NRG1: variants seen among roughly 807,000 people sequenced by gnomAD.
NRG1 encodes the protein neuregulin 1, also known as pro-neuregulin-1, membrane-bound isoform.
A neutral mutation model predicts 63.8 loss-of-function variants in NRG1; 18 were observed. The ratio of observed to expected loss-of-function variants is 0.28; its 90% CI spans 0.19 to 0.42. NRG1 has a LOEUF of 0.42. NRG1 is among the 10% of genes least tolerant of loss of function. The pLI is 1.00. For missense variants in NRG1, 762 were observed against 814.7 expected (o/e 0.94, Z 0.79); for synonymous variants, 302 against 301.3 (o/e 1.00, Z -0.02).
At chr8:32,059,880 T>C (rs1823562293) in intron 1 of NRG1, among the ~76,000 whole-genome samples, 1 of 151,956 alleles carries the variant, frequency 6.6e-6, no homozygotes, top group Non-Finnish European at 1.5e-5. Context: ...CTCTGACTTT[T>C]AATATCTGGA....
chr8:32,622,444 C>T (rs184723176), intron 5 of NRG1, among the ~76,000 whole-genome samples: 8 of 152,088 alleles, frequency 5.3e-5, no homozygotes, highest in South Asian at 2.1e-4. Context: ...TCTCTGTCAC[C>T]CAGGCTGGAG....
At chr8:32,355,371 C>T (rs940806044) in intron 1 of NRG1, among the ~76,000 whole-genome samples, 3 of 151,854 alleles carry the variant, frequency 2.0e-5, no homozygotes, top group African/African-American at 7.3e-5. Context: ...AGGTGGGAGA[C>T]TCCCTTGAAC....
At chr8:32,638,137 A>G in intron 5 of NRG1, among the ~76,000 whole-genome samples, 1 of 152,204 alleles carries the variant, frequency 6.6e-6, no homozygotes. Flanking sequence ...TTTGAAATTA[A>G]TTTCTGTGTG....
chr8:31,785,611 T>C (rs1247083202), intron 1 of NRG1, among the ~76,000 whole-genome samples: 1 of 152,220 alleles, frequency 6.6e-6, no homozygotes, highest in Non-Finnish European at 1.5e-5. Flanking sequence ...TGTTTTGTAC[T>C]TTTCAAATTT....
intron 1 of NRG1, among the ~76,000 whole-genome samples, chr8:31,836,950 C>G (rs904952770): frequency 6.6e-6 from 1 of 152,028 alleles, no homozygotes; most frequent in African/African-American, 2.4e-5. Context: ...CCAAACTGAT[C>G]AATTCATACC....
intron 1 of NRG1, among the ~76,000 whole-genome samples, chr8:31,989,892 A>T (rs534926498): frequency 5.3e-5 from 8 of 152,230 alleles, no homozygotes; most frequent in Admixed American, 4.6e-4. Context: ...CTTTGTGCTT[A>T]TGTGAATTCT....
chr8:32,054,622 A>G (rs570669452), intron 1 of NRG1, among the ~76,000 whole-genome samples: 1 of 152,268 alleles, frequency 6.6e-6, no homozygotes, highest in South Asian at 2.1e-4. Flanking sequence ...TGTTTGATTT[A>G]TCTGCTGTTA....
chr8:31,904,998 A>G (rs979515651), intron 1 of NRG1, among the ~76,000 whole-genome samples: 3 of 151,358 alleles, frequency 2.0e-5, no homozygotes, highest in African/African-American at 7.3e-5. Context: ...AAACCTGCAC[A>G]TGTATCCCTG....
At chr8:31,644,323 G>A (rs1386834110) in intron 1 of NRG1, among the ~76,000 whole-genome samples, 1 of 152,132 alleles carries the variant, frequency 6.6e-6, no homozygotes, top group Non-Finnish European at 1.5e-5. Flanking sequence ...CTACTGAGTA[G>A]AGAAACTATG....
intron 1 of NRG1, among the ~76,000 whole-genome samples, chr8:32,554,977 A>G (rs1446676219): frequency 6.6e-6 from 1 of 151,896 alleles, no homozygotes. Flanking sequence ...TACTGGAAGA[A>G]CAGAGTCCCG....
chr8:32,446,410 T>A (rs750792631), intron 1 of NRG1, among the ~76,000 whole-genome samples: 21 of 152,198 alleles, frequency 1.4e-4, no homozygotes, highest in Non-Finnish European at 1.6e-4. Flanking sequence ...ATCTCAGCAC[T>A]TTGGGAGGCC....
intron 1 of NRG1, among the ~76,000 whole-genome samples, chr8:32,116,232 C>T (rs1268978910): frequency 6.6e-6 from 1 of 152,110 alleles, no homozygotes; most frequent in Non-Finnish European, 1.5e-5. Context: ...CCTGTACGAC[C>T]TAAAACTGTC....
At chr8:32,435,770 C>A (rs1818713517) in intron 1 of NRG1, among the ~76,000 whole-genome samples, 1 of 152,020 alleles carries the variant, frequency 6.6e-6, no homozygotes, top group Non-Finnish European at 1.5e-5. Flanking sequence ...CAATAAAATT[C>A]ATAAATATTT....
At chr8:32,117,441 G>A (rs1832882565) in intron 1 of NRG1, among the ~76,000 whole-genome samples, 1 of 151,914 alleles carries the variant, frequency 6.6e-6, no homozygotes, top group South Asian at 2.1e-4. Flanking sequence ...AGAATGGTTT[G>A]GATAGAAAAA....
chr8:32,681,552 A>T (rs918910309), intron 5 of NRG1, among the ~76,000 whole-genome samples: 1 of 152,166 alleles, frequency 6.6e-6, no homozygotes, highest in African/African-American at 2.4e-5. Flanking sequence ...ACAGCATAGA[A>T]CTACATGGAG....
intron 5 of NRG1, 58 bp downstream of exon 5, chr8:32,616,943 G>A: frequency 7.9e-7 from 1 of 1,264,596 alleles, no homozygotes; most frequent in Non-Finnish European, 1.2e-6. Flanking sequence ...TATCTGCTTT[G>A]GAAGGTCATG....
At chr8:31,852,722 C>T (rs1827380906) in intron 1 of NRG1, among the ~76,000 whole-genome samples, 1 of 152,158 alleles carries the variant, frequency 6.6e-6, no homozygotes, top group South Asian at 2.1e-4. Context: ...AGGTTTTCTT[C>T]TAGGGTTTTC....
intron 5 of NRG1, among the ~76,000 whole-genome samples, chr8:32,675,080 C>T (rs533459467): frequency 6.6e-6 from 1 of 152,132 alleles, no homozygotes; most frequent in African/African-American, 2.4e-5. Context: ...GAGAATGGCT[C>T]TCATGGTACT....
chr8:32,405,813 A>C (rs189070294), intron 1 of NRG1, among the ~76,000 whole-genome samples: 968 of 79,542 alleles, frequency 0.012, 12 homozygotes, highest in African/African-American at 0.037. Flanking sequence ...AAGTTAACAT[A>C]TTTTATATGT....
Sources: gnomAD v4.1 joint callset for allele counts (sites outside exome capture counted in the v4.1 genomes callset) on GRCh38, gnomAD v4.1.1 for gene constraint, MANE v1.5 for transcripts, NCBI Gene and HGNC (gene_info 2026-07-23, HGNC 2026-07-21) for gene names.